The following PANK4 variants were observed in gnomAD, a reference collection of about 807,000 sequenced individuals.
The protein encoded by PANK4 is 4'-phosphopantetheine phosphatase.
Under a neutral mutation model 87.9 loss-of-function variants are expected in PANK4, and 40 were observed. That is an observed-to-expected ratio of 0.46 (90% confidence interval 0.35 to 0.59). The LOEUF (loss-of-function observed/expected upper bound fraction) is 0.59. Ranked by LOEUF, PANK4 falls within the 20% of genes least tolerant of loss-of-function variation. The probability of loss-of-function intolerance (pLI) is 0.00; values close to 1 mark genes in which losing one functional copy is unlikely to be tolerated. For missense variants in PANK4, 926 were observed against 1,072.3 expected (o/e 0.86, Z 1.90); for synonymous variants, 524 against 467.4 (o/e 1.12, Z -1.56).
intron 2 of PANK4, 50 bp from the exon 3 acceptor site, chr1:2,521,365 G>T: frequency 1.4e-6 from 2 of 1,414,196 alleles, no homozygotes; most frequent in Non-Finnish European, 1.0e-6. Flanking sequence ...ACCGCGCCGG[G>T]CTGGGCTGTG....
chr1:2,523,880 C>T (rs1180293594), intron 1 of PANK4, among the ~76,000 whole-genome samples: 6 of 152,232 alleles, frequency 3.9e-5, no homozygotes, highest in African/African-American at 7.2e-5. Flanking sequence ...GGGCTGCCCG[C>T]GCTCGGCCCT....
At chr1:2,521,378 C>T in intron 2 of PANK4, 63 bp from the exon 3 acceptor site, 1 of 1,278,008 alleles carries the variant, frequency 7.8e-7, no homozygotes, top group Non-Finnish European at 1.1e-6. Context: ...GGGCTGTGCG[C>T]ACCCTGCCCT....
intron 14 of PANK4, 99 bp downstream of exon 14, chr1:2,511,529 G>A (rs1044931108): frequency 5.0e-5 from 54 of 1,088,194 alleles, no homozygotes; most frequent in Non-Finnish European, 7.0e-5. Context: ...AGCAGGGGAG[G>A]TGCCTGGACC....
At chr1:2,525,757 GA>G (rs931014160) in intron 1 of PANK4, 1 of 152,330 alleles carries the variant, frequency 6.6e-6, no homozygotes, top group Admixed American at 6.5e-5. Flanking sequence ...CATCAGGCAG[GA>G]GGGTCTGCAG....
intron 1 of PANK4, among the ~76,000 whole-genome samples, chr1:2,523,771 C>A (rs1443083518): frequency 6.6e-6 from 1 of 152,228 alleles, no homozygotes; most frequent in Non-Finnish European, 1.5e-5. Flanking sequence ...GAACCGCCTG[C>A]GGGCGGGGAC....
Position 2,510,221 on chromosome 1 carries a change from C to A in PANK4, c.1939-64G>T. On this transcript the variant is annotated intron_variant, in intron 16 of 18. Coordinates refer to ENST00000378466, the MANE Select transcript of PANK4 (RefSeq NM_018216.4). The surrounding 1 kb of genome is among the most constrained non-coding windows in gnomAD (Gnocchi z 4.9). The stretch of plus-strand genomic sequence containing the variant: ...TGGCCCAGCATGGAGCCTGCGTGCA[C>A]CCCGGCCTTCGAGTGGCTGGGCTGG... 5 of 1,086,640 alleles carry A rather than the reference C, an allele frequency of 4.6e-6. No individual in the cohort carries two copies. The highest frequency in any genetic ancestry group is 6.9e-6 in the Non-Finnish European group (5 of 725,252). 67.3% of individuals were successfully genotyped at this position (1,086,640 alleles called of 1,614,324 possible). A position where few individuals can be genotyped will look rare whatever the true frequency, so the allele number is the denominator to read the frequency against.
rs1274892428 is a variant in PANK4, at chr1:2,515,713, T to C, written c.1223A>G (p.Asp408Gly). The part of the protein sequence containing the change: ...PAQRARSGTF[D>G]LLEMDRLERP... ...CTCCAGCCGGTCCATTTCCAGCAAG[T>C]CAAACTGGAAGACAGGCAGTGGCAG... The change falls in exon 10 of 19, where the codon GAC (aspartate) becomes GGC (glycine). Residue 408 changes from aspartate to glycine, a missense_variant. Transcript: ENST00000378466. This position sits in a 1 kb window ranked among gnomAD's most constrained non-coding sequence, Gnocchi z 5.0. The C allele has an allele frequency of 6.2e-7, 1 of 1,612,422 alleles. No individual in the cohort carries two copies. The highest frequency in any genetic ancestry group is 1.3e-5 in the African/African-American group (1 of 74,790).
chr1:2,520,296 G>A lies in PANK4; in HGVS notation c.699+26C>T, dbSNP rs567490011. The A allele has an allele frequency of 1.3e-6, 2 of 1,596,782 alleles. No individual in the cohort carries two copies. The highest frequency in any genetic ancestry group is 1.7e-6 in the Non-Finnish European group (2 of 1,165,442). On this transcript the variant is annotated intron_variant, in intron 5 of 18. Coordinates refer to ENST00000378466, the MANE Select transcript of PANK4 (RefSeq NM_018216.4). The surrounding 1 kb of genome is among the most constrained non-coding windows in gnomAD (Gnocchi z 6.2). Reference sequence around the variant, plus strand: ...AAGCAGACATCTCCGCAGACCCCTGGAAGGTCTCTGGCAGCTGCCGCATAC... The same window carrying A: ...AAGCAGACATCTCCGCAGACCCCTGAAAGGTCTCTGGCAGCTGCCGCATAC...
At chr1:2,525,388 C>A (rs988169867) in intron 1 of PANK4, among the ~76,000 whole-genome samples, 1 of 152,046 alleles carries the variant, frequency 6.6e-6, no homozygotes, top group African/African-American at 2.4e-5. Flanking sequence ...GGGATTCACA[C>A]ACAAGCAGAC....
intron 12 of PANK4, 111 bp from the exon 13 acceptor site, chr1:2,513,150 A>C: frequency 2.5e-6 from 3 of 1,195,220 alleles, no homozygotes; most frequent in South Asian, 1.5e-5. Context: ...TCGAAGACTC[A>C]GGCCCAACTG....
chr1:2,517,469 C>A (rs952827862), intron 9 of PANK4, among the ~76,000 whole-genome samples: 4 of 152,274 alleles, frequency 2.6e-5, no homozygotes, highest in African/African-American at 9.6e-5. Context: ...CTGCTCACAG[C>A]TACAGAAGGA....
chr1:2,516,081 C>G (rs1003963237), intron 9 of PANK4: 1 of 337,510 alleles, frequency 3.0e-6, no homozygotes, highest in African/African-American at 2.1e-5. Context: ...CCTGCAGTCA[C>G]CCCTCCCTGT....
chr1:2,519,082 CTGAT>C lies in PANK4; in HGVS notation c.1035+57_1035+60del. On this transcript the variant is annotated intron_variant, in intron 7 of 18. Transcript: ENST00000378466. This position sits in a 1 kb window ranked among gnomAD's most constrained non-coding sequence, Gnocchi z 8.3. ...GTGCTGCGGTGTCTAACCAGCATGACTGATTGGGAAGATCCTGGGGGGTCTGCGT... is the reference window on the plus strand; with the variant it reads ...GTGCTGCGGTGTCTAACCAGCATGACTGGGAAGATCCTGGGGGGTCTGCGT... 6.7e-7 allele frequency: 1 copy of C among 1,500,984 alleles called. No individual in the cohort carries two copies. The allele number at this position is 1,500,984 out of a possible 1,614,324, so 93.0% of individuals were successfully genotyped here.
chr1:2,518,064 A>T, intron 9 of PANK4, 100 bp downstream of exon 9: 1 of 666,540 alleles, frequency 1.5e-6, no homozygotes, highest in Non-Finnish European at 2.5e-6. Flanking sequence ...GGCGCCTTTC[A>T]GCCGGGACAG....
rs1241573557 is a variant in PANK4, at chr1:2,511,649, C to T, written c.1762G>A (p.Glu588Lys). ...LESDPYFGFE[E>K]AKRKLQERPW... is the part of the protein sequence containing the mutation. ...GTACCTTGTAACTTCCTCTTTGCTT[C>T]TTCAAACCCAAAGTAGGGGTCGGAT... The change falls in exon 14 of 19, where the codon GAA becomes AAA. Residue 588 changes from glutamate to lysine, a missense_variant. By Grantham distance (56) the Glu-to-Lys change is moderately conservative. Transcript: ENST00000378466. The T allele has an allele frequency of 1.2e-6, 2 of 1,610,900 alleles. No individual in the cohort carries two copies. Among genetic ancestry groups the T allele is most frequent in the Non-Finnish European group, 1.7e-6 (2 of 1,177,360 alleles).
Position 2,515,292 on chromosome 1 carries a change from T to A in PANK4, c.1374+270A>T. The A allele has an allele frequency of 1.5e-6, 1 of 662,076 alleles. No homozygotes were observed. The highest frequency in any genetic ancestry group is 2.8e-6 in the Non-Finnish European group (1 of 359,540). The allele number at this position is 662,076 out of a possible 1,614,324, so 41.0% of individuals were successfully genotyped here. A position where few individuals can be genotyped will look rare whatever the true frequency, so the allele number is the denominator to read the frequency against. ...GCAGAGACGTCTCCTAAATTGCTTT[T>A]TGAAGGAATGTGCTAGCTAGCAGAA... is the stretch of plus-strand genomic sequence containing the variant. On this transcript the variant is annotated intron_variant, in intron 10 of 18. Coordinates refer to ENST00000378466, the MANE Select transcript of PANK4 (RefSeq NM_018216.4). The surrounding 1 kb of genome is among the most constrained non-coding windows in gnomAD (Gnocchi z 5.0).
rs1045160708 is a variant in PANK4, at chr1:2,515,342, G to A, written c.1374+220C>T. 6 of 698,980 alleles carry A rather than the reference G, an allele frequency of 8.6e-6. No homozygotes were observed. Among genetic ancestry groups the A allele is most frequent in the Admixed American group, 4.0e-5 (2 of 49,850 alleles). 43.3% of individuals were successfully genotyped at this position (698,980 alleles called of 1,614,324 possible). On this transcript the variant is annotated intron_variant, in intron 10 of 18. Coordinates refer to ENST00000378466, the MANE Select transcript of PANK4 (RefSeq NM_018216.4). This position sits in a 1 kb window ranked among gnomAD's most constrained non-coding sequence, Gnocchi z 5.0. ...ACTATCAGCTGCCCTTAGAAGCAAC[G>A]TGCCTCGCAGACGCCACGTCCTCAC... is the stretch of plus-strand genomic sequence containing the variant.
At position 2,512,988 on chromosome 1, in the gene PANK4, G is replaced by A. The variant is rs760121269; in HGVS notation, c.1627C>T (p.Arg543Cys). Reference protein sequence around the residue: ...VALRCFPGVVRSLDALGWEER... With the variant: ...VALRCFPGVVCSLDALGWEER... ...TCCCAGCCCAGCGCGTCCAGGGAGC[G>A]CACGACCCCGGGGAAGCACCTCAGC... Residue 543 changes from arginine to cysteine, a missense_variant, in exon 13 of 19, where the codon CGC (arginine) becomes TGC (cysteine). Arg to Cys is a radical substitution (Grantham distance 180). Coordinates refer to ENST00000378466, the MANE Select transcript of PANK4 (RefSeq NM_018216.4). 1.1e-4 allele frequency: 184 copies of A among 1,611,442 alleles called. No homozygotes were observed. The highest frequency in any genetic ancestry group is 1.4e-4 in the Non-Finnish European group (164 of 1,179,044).
Position 2,508,891 on chromosome 1 carries a change from G to C in PANK4, c.2278C>G (p.Arg760Gly), listed in dbSNP as rs757608469. The C allele has an allele frequency of 6.2e-7, 1 of 1,608,168 alleles. No individual in the cohort carries two copies. Among genetic ancestry groups the C allele is most frequent in the East Asian group, 2.2e-5 (1 of 44,642 alleles). Reference sequence around the variant, plus strand: ...TACTTGAAGATGACGCTGAAGAGCCGGCCGCCCAGCCGCTCGGCCAGCCAC... The same window carrying C: ...TACTTGAAGATGACGCTGAAGAGCCCGCCGCCCAGCCGCTCGGCCAGCCAC... ...NAWLAERLGGRLFSVIFKYEV... is the reference protein window; with the variant it reads ...NAWLAERLGGGLFSVIFKYEV... The change falls in exon 19 of 19, where the codon CGG becomes GGG. Residue 760 changes from arginine to glycine, a missense_variant. Arg to Gly is a moderately radical substitution (Grantham distance 125, BLOSUM62 -2). Coordinates refer to ENST00000378466, the MANE Select transcript of PANK4 (RefSeq NM_018216.4). This position sits in a 1 kb window ranked among gnomAD's most constrained non-coding sequence, Gnocchi z 5.1.
Sources: gnomAD v4.1 joint callset for allele counts (sites outside exome capture counted in the v4.1 genomes callset) on GRCh38, gnomAD v4.1.1 for gene constraint, Gnocchi (gnomAD v3.1) non-coding constraint, MANE v1.5 for transcripts, NCBI Gene and HGNC (gene_info 2026-07-23, HGNC 2026-07-21) for gene names.